Variants in DAXX observed in about 807,000 individuals in gnomAD.
DAXX encodes death domain-associated protein 6.
In DAXX, 24 loss-of-function variants were observed where a neutral mutation model predicts 61.9. That is an observed-to-expected ratio of 0.39 (90% CI 0.28 to 0.55). The LOEUF (loss-of-function observed/expected upper bound fraction) is 0.55, where lower values mean the gene tolerates loss of function less well. DAXX is among the 20% of genes least tolerant of loss of function. The probability of loss-of-function intolerance (pLI) is 0.69; values close to 1 mark genes in which losing one functional copy is unlikely to be tolerated. For synonymous variants in DAXX, 357 were observed against 369.5 expected, an observed-to-expected ratio of 0.97 and a Z score of 0.39; for missense variants, 819 against 935.3, an observed-to-expected ratio of 0.88 and a Z score of 1.62.
chr6:33,322,128 T>A, intron 1 of DAXX, 151 bp from the exon 2 acceptor site: 1 of 497,806 alleles, frequency 2.0e-6, no homozygotes, highest in Non-Finnish European at 3.4e-6. Flanking sequence ...TAGTTCTATA[T>A]GCTTTTTGGG....
intron 1 of DAXX, chr6:33,322,547 AC>A: frequency 8.3e-6 from 2 of 239,774 alleles, no homozygotes; most frequent in South Asian, 9.2e-5. Flanking sequence ...AAGATATTTT[AC>A]CCAAGTCCCC....
rs1405586706 is a variant in DAXX at position 33,318,574 on chromosome 6, CTTTA to C, written c.*165_*168del. The C allele has an allele frequency of 4.6e-6, 2 of 438,876 alleles. No homozygotes were observed. Among genetic ancestry groups the C allele is most frequent in the Non-Finnish European group, 8.1e-6 (2 of 248,102 alleles). 27.2% of individuals were successfully genotyped at this position (438,876 alleles called of 1,614,324 possible). ...AGACAGTGATACAGTAAGAAAAGAACTTTATTGTTTATTAATGTTTCTGTGTAAA... is the reference window on the plus strand; with the variant it reads ...AGACAGTGATACAGTAAGAAAAGAACTTGTTTATTAATGTTTCTGTGTAAA... On this transcript the variant is annotated 3_prime_UTR_variant, in exon 8 of 8. Transcript: ENST00000374542.
At position 33,321,980 on chromosome 6, in the gene DAXX, G is replaced by T; in HGVS notation, c.-52-3C>A. On this transcript the variant is annotated splice_polypyrimidine_tract_variant and splice_region_variant and intron_variant, in intron 1 of 7. Coordinates refer to ENST00000374542, the MANE Select transcript of DAXX (RefSeq NM_001141969.2). This position sits in a 1 kb window ranked among gnomAD's most constrained non-coding sequence, Gnocchi z 7.2. ...TGGTGGGGATTTCAGAATTCCTGCT[G>T]GAAGGGGATGGGGCCTCAGAATGAG... 6.4e-7 allele frequency: 1 copy of T among 1,562,570 alleles called. No homozygotes were observed. Among genetic ancestry groups the T allele is most frequent in the East Asian group, 2.3e-5 (1 of 43,916 alleles).
rs751425110 is a variant in DAXX, at chr6:33,319,597, G to T, written c.1723C>A (p.Pro575Thr). ...TCCACAGAGGAAGGGGTATCCAGGG[G>T]CAAAGCTTCAATCTCTAGCTCAAAG... is the stretch of plus-strand genomic sequence containing the variant. ...QLFELEIEAL[P>T]LDTPSSVETD... is the part of the protein sequence containing the mutation. The change falls in exon 6 of 8, where the codon CCC becomes ACC. Residue 575 changes from proline (P) to threonine (T), a missense_variant. Physicochemically the swap from Pro to Thr is conservative, Grantham distance 38 (BLOSUM62 -1). Coordinates refer to ENST00000374542, the MANE Select transcript of DAXX (RefSeq NM_001141969.2). 6.2e-7 allele frequency: 1 copy of T among 1,614,074 alleles called. No homozygotes were observed. The highest frequency in any genetic ancestry group is 8.5e-7 in the Non-Finnish European group (1 of 1,179,944).
At position 33,319,956 on chromosome 6, in the gene DAXX, G is replaced by A. The variant is rs572793805; in HGVS notation, c.1465+55C>T. 3.7e-6 allele frequency: 6 copies of A among 1,610,532 alleles called. No homozygotes were observed. The East Asian group carries it at 6.7e-5, about 18-fold the overall frequency. On this transcript the variant is annotated intron_variant, in intron 5 of 7. Coordinates refer to ENST00000374542, the MANE Select transcript of DAXX (RefSeq NM_001141969.2). Reference sequence around the variant, plus strand: ...GGAAGGGAAAGGTTTCAAACAGGTGGCTCATGCCTAACAAAACAGAAATGA... The same window carrying A: ...GGAAGGGAAAGGTTTCAAACAGGTGACTCATGCCTAACAAAACAGAAATGA...
Position 33,319,602 on chromosome 6 carries a change from G to T in DAXX, c.1718C>A (p.Ala573Asp). 2 of 1,614,124 alleles carry T rather than the reference G, an allele frequency of 1.2e-6. No homozygotes were observed. Among genetic ancestry groups the T allele is most frequent in the Non-Finnish European group, 1.7e-6 (2 of 1,179,968 alleles). ...VSQLFELEIE[A>D]LPLDTPSSVE... Reference sequence around the variant, plus strand: ...AGAGGAAGGGGTATCCAGGGGCAAAGCTTCAATCTCTAGCTCAAAGAGCTG... The same window carrying T: ...AGAGGAAGGGGTATCCAGGGGCAAATCTTCAATCTCTAGCTCAAAGAGCTG... Residue 573 changes from alanine (A) to aspartate (D), a missense_variant, in exon 6 of 8, where the codon GCT becomes GAT. Coordinates refer to ENST00000374542, the MANE Select transcript of DAXX (RefSeq NM_001141969.2).
At position 33,320,092 on chromosome 6, in the gene DAXX, C is replaced by T. The variant is rs551346113; in HGVS notation, c.1384G>A (p.Glu462Lys). The T allele has an allele frequency of 6.2e-7, 1 of 1,613,902 alleles. No individual in the cohort carries two copies. Among genetic ancestry groups the T allele is most frequent in the African/African-American group, 1.3e-5 (1 of 75,020 alleles). ...EEEEEEATDS[E>K]EEEDLEQMQE... ...ATCTGTTCCAGATCCTCCTCCTCTTCAGAATCTGTGGCCTCCTCCTCTTCT... is the reference window on the plus strand; with the variant it reads ...ATCTGTTCCAGATCCTCCTCCTCTTTAGAATCTGTGGCCTCCTCCTCTTCT... The change falls in exon 5 of 8, where the codon GAA becomes AAA. Residue 462 changes from glutamate (E) to lysine (K), a missense_variant. Physicochemically the swap from Glu to Lys is moderately conservative, Grantham distance 56. Transcript: ENST00000374542. The surrounding 1 kb of genome is among the most constrained non-coding windows in gnomAD (Gnocchi z 7.1).
At position 33,320,384 on chromosome 6, in the gene DAXX, C is replaced by A. The variant is rs759628984; in HGVS notation, c.1247G>T (p.Gly416Val). Residue 416 changes from glycine to valine, a missense_variant, in exon 4 of 8, where the codon GGT becomes GTT. Physicochemically the swap from Gly to Val is moderately radical, Grantham distance 109. Transcript: ENST00000374542. This position sits in a 1 kb window ranked among gnomAD's most constrained non-coding sequence, Gnocchi z 7.1. Reference sequence around the variant, plus strand: ...AAGGCTGTACCCCATCCACACCTCACCAGAATCCAAGGAGGCTTCGGGGGT... The same window carrying A: ...AAGGCTGTACCCCATCCACACCTCAACAGAATCCAAGGAGGCTTCGGGGGT... Reference protein sequence around the residue: ...ADTPEASLDSGEGPSGMASQG... With the variant: ...ADTPEASLDSVEGPSGMASQG... 6.2e-7 allele frequency: 1 copy of A among 1,607,516 alleles called. No homozygotes were observed. The highest frequency in any genetic ancestry group is 2.2e-5 in the East Asian group (1 of 44,842).
intron 6 of DAXX, 47 bp downstream of exon 6, chr6:33,319,333 C>T: frequency 6.3e-7 from 1 of 1,580,652 alleles, no homozygotes. Context: ...CGAAAGTCCC[C>T]TGCAATCCCT....
In DAXX at chr6:33,320,689, T is replaced by C. The variant is rs187484912; in HGVS notation, c.1039+47A>G. 8.0e-5 allele frequency: 128 copies of C among 1,607,836 alleles called. No individual in the cohort carries two copies. The African/African-American group carries it at 1.6e-3, about 20-fold the overall frequency. ...CTAGAGAGATGCCCCATCCGCCTCATACCTGACATATAAGGGTCACTGAGA... is the reference window on the plus strand; with the variant it reads ...CTAGAGAGATGCCCCATCCGCCTCACACCTGACATATAAGGGTCACTGAGA... On this transcript the variant is annotated intron_variant, in intron 3 of 7. Transcript: ENST00000374542. This position sits in a 1 kb window ranked among gnomAD's most constrained non-coding sequence, Gnocchi z 7.1.
Position 33,321,165 on chromosome 6 carries a change from G to A in DAXX, c.610C>T (p.Arg204Trp), listed in dbSNP as rs747846898. 3 of 1,613,430 alleles carry A rather than the reference G, an allele frequency of 1.9e-6. No homozygotes were observed. The highest frequency in any genetic ancestry group is 1.1e-5 in the South Asian group (1 of 91,072). The change falls in exon 3 of 8, where the codon CGG becomes TGG. Residue 204 changes from arginine to tryptophan, a missense_variant. Physicochemically the swap from Arg to Trp is moderately radical, Grantham distance 101 (BLOSUM62 -3). Transcript: ENST00000374542. This position sits in a 1 kb window ranked among gnomAD's most constrained non-coding sequence, Gnocchi z 7.2. ...LLALYVAEIRRLQEKELDLSE... is the reference protein window; with the variant it reads ...LLALYVAEIRWLQEKELDLSE... ...AGATCCAACTCCTTTTCCTGCAGCC[G>A]CCGGATCTCTGCCACATAGAGCGCC... is the stretch of plus-strand genomic sequence containing the variant.
rs772405114 is a variant in DAXX at position 33,321,431 on chromosome 6, C to T, written c.344G>A (p.Arg115Gln). ...FCNILSRVLS[R>Q]ARSRPAKLYV... ...GAGCTTGGCTGGCCGGCTCCGGGCC[C>T]GAGACAGGACCCTAGAGAGGATGTT... Residue 115 changes from arginine (R) to glutamine (Q), a missense_variant, in exon 3 of 8, where the codon CGG (arginine) becomes CAG (glutamine). Arg to Gln is a conservative substitution (Grantham distance 43, BLOSUM62 1). Transcript: ENST00000374542. The surrounding 1 kb of genome is among the most constrained non-coding windows in gnomAD (Gnocchi z 7.2). 62 of 1,613,742 alleles carry T rather than the reference C, an allele frequency of 3.8e-5. No homozygotes were observed. Among genetic ancestry groups the T allele is most frequent in the Admixed American group, 3.3e-5 (2 of 59,984 alleles).
Position 33,320,987 on chromosome 6 carries a change from CG to C in DAXX, c.787del (p.Arg263AlafsTer31), listed in dbSNP as rs1203623751. The part of the protein sequence containing the change: ...IEQRIPYRGT[R>X]YPEVNRRIER... Reference sequence around the variant, plus strand: ...AATGCGCCTGTTAACCTCTGGGTAGCGGGTGCCACGGTAGGGGATGCGCTGC... The same window carrying C: ...AATGCGCCTGTTAACCTCTGGGTAGCGGTGCCACGGTAGGGGATGCGCTGC... On this transcript the variant is annotated frameshift_variant, in exon 3 of 8. Coordinates refer to ENST00000374542, the MANE Select transcript of DAXX (RefSeq NM_001141969.2). LOFTEE classifies it high-confidence loss of function. The surrounding 1 kb of genome is among the most constrained non-coding windows in gnomAD (Gnocchi z 7.1). The C allele has an allele frequency of 6.2e-7, 1 of 1,613,690 alleles. No individual in the cohort carries two copies. The highest frequency in any genetic ancestry group is 8.5e-7 in the Non-Finnish European group (1 of 1,179,718).
chr6:33,319,472 G>A lies in DAXX; in HGVS notation c.1848C>T (p.Gly616=), dbSNP rs1298764680. ...GMVSSTSFNG[G]VSPHNWGDSG... is the part of the protein sequence containing the mutation. ...AATCTCCCCAGTTGTGAGGAGAGAC[G>A]CCTCCATTGAAGGAAGTAGAAGAGA... is the stretch of plus-strand genomic sequence containing the variant. The change falls in exon 6 of 8, where the codon GGC becomes GGT. Residue 616 remains glycine, a synonymous_variant. Coordinates refer to ENST00000374542, the MANE Select transcript of DAXX (RefSeq NM_001141969.2). The A allele has an allele frequency of 6.8e-6, 11 of 1,613,782 alleles. No individual in the cohort carries two copies. Among genetic ancestry groups the A allele is most frequent in the East Asian group, 2.2e-5 (1 of 44,890 alleles).
chr6:33,321,535 G>T lies in DAXX; in HGVS notation c.240C>A (p.Asp80Glu). 2 of 1,613,880 alleles carry T rather than the reference G, an allele frequency of 1.2e-6. No individual in the cohort carries two copies. Among genetic ancestry groups the T allele is most frequent in the Non-Finnish European group, 1.7e-6 (2 of 1,179,956 alleles). Reference sequence around the variant, plus strand: ...AGAGGAATGGGACCACCTCAGGGTGGTCTGCTGTCTGCATCTTACAAAGTT... The same window carrying T: ...AGAGGAATGGGACCACCTCAGGGTGTTCTGCTGTCTGCATCTTACAAAGTT... ...FLELCKMQTA[D>E]HPEVVPFLYN... Residue 80 changes from aspartate (D) to glutamate (E), a missense_variant, in exon 3 of 8, where the codon GAC becomes GAA. Coordinates refer to ENST00000374542, the MANE Select transcript of DAXX (RefSeq NM_001141969.2). This position sits in a 1 kb window ranked among gnomAD's most constrained non-coding sequence, Gnocchi z 7.2.
chr6:33,322,768 G>A (rs1770787358), intron 1 of DAXX, 94 bp downstream of exon 1: 1 of 522,702 alleles, frequency 1.9e-6, no homozygotes, highest in Non-Finnish European at 3.5e-6. Flanking sequence ...AGGTACCACA[G>A]CTTTCCCCTC....
chr6:33,322,943 AC>A lies in DAXX; in HGVS notation c.-135del. Reference sequence around the variant, plus strand: ...TCCCTCCGCCTTCCTTCCCACTCCCACCGCAGGCCCCACTACGGACCGGAAG... The same window carrying A: ...TCCCTCCGCCTTCCTTCCCACTCCCACGCAGGCCCCACTACGGACCGGAAG... On this transcript the variant is annotated 5_prime_UTR_variant, in exon 1 of 8. Coordinates refer to ENST00000374542, the MANE Select transcript of DAXX (RefSeq NM_001141969.2). 7.6e-7 allele frequency: 1 copy of A among 1,320,110 alleles called. No homozygotes were observed. Among genetic ancestry groups the A allele is most frequent in the Non-Finnish European group, 1.0e-6 (1 of 960,424 alleles). 81.8% of individuals were successfully genotyped at this position (1,320,110 alleles called of 1,614,324 possible).
rs905444894 is a variant in DAXX, at chr6:33,321,713, G to A, written c.207+6C>T. ...GGGTACAACAATCTTCCCCGCTAAA[G>A]CTCACCTCTTCGAACAGCTTCTCAT... On this transcript the variant is annotated splice_donor_region_variant and intron_variant, in intron 2 of 7. Coordinates refer to ENST00000374542, the MANE Select transcript of DAXX (RefSeq NM_001141969.2). This position sits in a 1 kb window ranked among gnomAD's most constrained non-coding sequence, Gnocchi z 7.2. 4.3e-6 allele frequency: 7 copies of A among 1,612,760 alleles called. No individual in the cohort carries two copies. The highest frequency in any genetic ancestry group is 5.9e-6 in the Non-Finnish European group (7 of 1,179,798).
rs200273259 is a variant in DAXX, at chr6:33,321,023, C to T, written c.752G>A (p.Arg251His). ...GTAGGGGATGCGCTGCTCTATGACA[C>T]GGCCGGTCAGTGAAGAGCAGTCTTT... ...ELKDCSSLTG[R>H]VIEQRIPYRG... Residue 251 changes from arginine to histidine, a missense_variant, in exon 3 of 8, where the codon CGT becomes CAT. Arg to His is a conservative substitution (Grantham distance 29). Coordinates refer to ENST00000374542, the MANE Select transcript of DAXX (RefSeq NM_001141969.2). The surrounding 1 kb of genome is among the most constrained non-coding windows in gnomAD (Gnocchi z 7.2). 1.2e-6 allele frequency: 2 copies of T among 1,613,924 alleles called. No individual in the cohort carries two copies. Among genetic ancestry groups the T allele is most frequent in the Non-Finnish European group, 1.7e-6 (2 of 1,179,906 alleles).
Sources: gnomAD v4.1 joint callset for allele counts on GRCh38, gnomAD v4.1.1 for gene constraint, Gnocchi (gnomAD v3.1) non-coding constraint, MANE v1.5 for transcripts, NCBI Gene and HGNC (gene_info 2026-07-23, HGNC 2026-07-21) for gene names.